The following GPC6 variants were observed in gnomAD, a reference collection of about 807,000 sequenced individuals.
The protein encoded by GPC6 is glypican 6.
Under a neutral mutation model 55.2 loss-of-function variants are expected in GPC6, and 14 were observed. The ratio of observed to expected loss-of-function variants is 0.25; its 90% CI spans 0.17 to 0.40. The LOEUF (loss-of-function observed/expected upper bound fraction) is 0.40. GPC6 is among the 10% of genes least tolerant of loss of function. The probability of loss-of-function intolerance (pLI) is 1.00; values close to 1 mark genes in which losing one functional copy is unlikely to be tolerated. For synonymous variants in GPC6, 278 were observed against 259.6 expected (o/e 1.07, Z -0.68); for missense variants, 641 against 708.5 (o/e 0.90, Z 1.08).
chr13:93,256,799 C>T (rs148602294), intron 1 of GPC6, among the ~76,000 whole-genome samples: 1 of 152,264 alleles, frequency 6.6e-6, no homozygotes, highest in East Asian at 1.9e-4. Context: ...AAGGAGCTTA[C>T]TCTGTAGGAG....
At chr13:93,912,635 C>A (rs959750066) in intron 3 of GPC6, among the ~76,000 whole-genome samples, 1 of 151,974 alleles carries the variant, frequency 6.6e-6, no homozygotes, top group Non-Finnish European at 1.5e-5. Flanking sequence ...CCCAGCTACT[C>A]GGGAGGCTGA....
At chr13:93,301,032 G>A (rs1043119936) in intron 1 of GPC6, among the ~76,000 whole-genome samples, 1 of 150,380 alleles carries the variant, frequency 6.6e-6, no homozygotes, top group African/African-American at 2.4e-5. Context: ...AAAAAAAAAA[G>A]AAAACCTTGT....
intron 4 of GPC6, among the ~76,000 whole-genome samples, chr13:94,228,755 T>C (rs1218214969): frequency 6.6e-6 from 1 of 151,822 alleles, no homozygotes; most frequent in African/African-American, 2.4e-5. Context: ...CCAGTGGGGT[T>C]TGTTGAATGC....
intron 2 of GPC6, among the ~76,000 whole-genome samples, chr13:93,753,853 C>T (rs1884681209): frequency 6.6e-6 from 1 of 152,140 alleles, no homozygotes; most frequent in Non-Finnish European, 1.5e-5. Context: ...GCAATCATAG[C>T]TCACTGTAAC....
At chr13:93,427,197 T>C (rs1038569244) in intron 1 of GPC6, among the ~76,000 whole-genome samples, 1 of 152,180 alleles carries the variant, frequency 6.6e-6, no homozygotes, top group African/African-American at 2.4e-5. Flanking sequence ...TTGCCTCTTA[T>C]GCCATCTCCA....
At chr13:93,993,008 G>A (rs1054328573) in intron 3 of GPC6, among the ~76,000 whole-genome samples, 3 of 149,028 alleles carry the variant, frequency 2.0e-5, no homozygotes, top group African/African-American at 4.9e-5. Context: ...TCTTTTTGAC[G>A]GAAACTACTT....
chr13:93,746,727 T>G (rs7993501), intron 2 of GPC6, among the ~76,000 whole-genome samples: 1 of 151,938 alleles, frequency 6.6e-6, no homozygotes, highest in East Asian at 1.9e-4. Flanking sequence ...AAAGATTTGT[T>G]ATGGAACACA....
chr13:93,582,806 C>T (rs1201382701), intron 2 of GPC6, among the ~76,000 whole-genome samples: 1 of 152,134 alleles, frequency 6.6e-6, no homozygotes, highest in Non-Finnish European at 1.5e-5. Flanking sequence ...GACTGTCAAA[C>T]GTGCTAGGAA....
intron 4 of GPC6, among the ~76,000 whole-genome samples, chr13:94,106,780 G>A (rs1023256218): frequency 1.3e-5 from 2 of 152,074 alleles, no homozygotes; most frequent in African/African-American, 2.4e-5. Flanking sequence ...ATAAATGGCC[G>A]AGATTAAAAG....
chr13:93,901,007 C>A (rs1452100639), intron 3 of GPC6, among the ~76,000 whole-genome samples: 1 of 152,094 alleles, frequency 6.6e-6, no homozygotes, highest in Non-Finnish European at 1.5e-5. Context: ...TGATCATTTT[C>A]TAAAATTCCT....
intron 2 of GPC6, among the ~76,000 whole-genome samples, chr13:93,742,984 T>C (rs1035871006): frequency 1.4e-4 from 21 of 152,108 alleles, no homozygotes; most frequent in Admixed American, 9.2e-4. Context: ...GTGTACAGGA[T>C]TCCACAGAGA....
chr13:93,235,015 GA>G (rs963561017), intron 1 of GPC6, among the ~76,000 whole-genome samples: 2 of 150,826 alleles, frequency 1.3e-5, no homozygotes, highest in Non-Finnish European at 3.0e-5. Flanking sequence ...CTCTGTCAGT[GA>G]AAAAAAAACT....
At chr13:93,995,202 T>C (rs1881485817) in intron 3 of GPC6, among the ~76,000 whole-genome samples, 1 of 142,906 alleles carries the variant, frequency 7.0e-6, no homozygotes, top group Non-Finnish European at 1.5e-5. Flanking sequence ...TATTTTATTT[T>C]TTTGAGACTG....
At chr13:93,808,819 A>G (rs1886613290) in intron 2 of GPC6, among the ~76,000 whole-genome samples, 1 of 152,172 alleles carries the variant, frequency 6.6e-6, no homozygotes, top group Non-Finnish European at 1.5e-5. Context: ...CCTTATTTTA[A>G]GCTTCCTGTT....
intron 4 of GPC6, among the ~76,000 whole-genome samples, chr13:94,038,264 A>G (rs929839229): frequency 6.6e-6 from 1 of 151,920 alleles, no homozygotes; most frequent in Admixed American, 6.6e-5. Context: ...GGCTTAGACC[A>G]TTAAAACATC....
intron 2 of GPC6, among the ~76,000 whole-genome samples, chr13:93,820,378 C>T (rs1406843799): frequency 6.6e-6 from 1 of 151,392 alleles, no homozygotes; most frequent in Non-Finnish European, 1.5e-5. Context: ...TAAGAGTTTC[C>T]AATACACATT....
At chr13:93,744,528 C>CTTTTTTT (rs71736430) in intron 2 of GPC6, among the ~76,000 whole-genome samples, 3,296 of 96,910 alleles carry the variant, frequency 0.034, 556 homozygotes, top group Non-Finnish European at 0.042. Context: ...TTTCCCTAGT[C>CTTTTTTT]TTTTTTTTTT....
chr13:93,797,580 C>G (rs1886238946), intron 2 of GPC6, among the ~76,000 whole-genome samples: 3 of 152,138 alleles, frequency 2.0e-5, no homozygotes, highest in African/African-American at 7.2e-5. Context: ...GCCAGTTTAA[C>G]TATAAGGAAG....
chr13:93,686,136 A>T (rs139336908), intron 2 of GPC6, among the ~76,000 whole-genome samples: 3 of 152,150 alleles, frequency 2.0e-5, no homozygotes, highest in African/African-American at 7.2e-5. Flanking sequence ...CTATATGAGT[A>T]CAAATCTTTA....
Sources: gnomAD v4.1 joint callset for allele counts (sites outside exome capture counted in the v4.1 genomes callset) on GRCh38, gnomAD v4.1.1 for gene constraint, MANE v1.5 for transcripts, NCBI Gene and HGNC (gene_info 2026-07-23, HGNC 2026-07-21) for gene names.